The following ADGRE3 variants were observed in gnomAD, a reference collection of about 807,000 sequenced individuals.
The protein encoded by ADGRE3 is adhesion G protein-coupled receptor E3.
In ADGRE3, 88 loss-of-function variants were observed where a neutral mutation model predicts 80.1. That is an observed-to-expected ratio of 1.10 (90% CI 0.93 to 1.31). ADGRE3 has a LOEUF of 1.31. Among genes scored for constraint, ADGRE3 ranks in the 40% most tolerant of loss-of-function variants. The pLI is 0.00. For missense variants in ADGRE3, 715 were observed against 776.5 expected (o/e 0.92, Z 0.94); for synonymous variants, 281 against 294.8 (o/e 0.95, Z 0.48).
chr19:14,630,321 T>C lies in ADGRE3; in HGVS notation c.1644-114A>G, dbSNP rs1288185670. On this transcript the variant is annotated intron_variant, in intron 13 of 15. Transcript: ENST00000253673. ...TGGAGCTAGACTACCTGAGTTTAAA[T>C]GGAAGCCAGCACTGGCTACCTGTGT... 4.9e-6 allele frequency: 4 copies of C among 808,444 alleles called. No individual in the cohort carries two copies. In the Admixed American group the frequency reaches 1.0e-4, roughly 20 times the overall value. The allele number at this position is 808,444 out of a possible 1,614,324, so 50.1% of individuals were successfully genotyped here.
At chr19:14,662,329 T>G (rs1237021466) in intron 3 of ADGRE3, among the ~76,000 whole-genome samples, 43 of 132,786 alleles carry the variant, frequency 3.2e-4, no homozygotes, top group Admixed American at 3.1e-3. Flanking sequence ...ATATAAGTAC[T>G]TTATTTGGGA....
intron 7 of ADGRE3, 31 bp downstream of exon 7, chr19:14,651,054 G>C (rs763239042): frequency 6.2e-7 from 1 of 1,613,336 alleles, no homozygotes; most frequent in East Asian, 2.2e-5. Context: ...GGCTCTGTGT[G>C]AAGGATTCTG....
chr19:14,615,202 C>CTTT (rs34167082), downstream of ADGRE3, among the ~76,000 whole-genome samples: 1,383 of 65,690 alleles, frequency 0.021, 47 homozygotes, highest in East Asian at 0.027. Flanking sequence ...CAGCTGCCTT[C>CTTT]TTTTTTTTTT....
At chr19:14,608,430 T>C in the ADGRE3 span, among the ~76,000 whole-genome samples, 2 of 152,096 alleles carry the variant, frequency 1.3e-5, no homozygotes, top group South Asian at 2.1e-4. Flanking sequence ...TCCAAGCTGA[T>C]AGGGTGTCTA....
At chr19:14,610,273 C>T in the ADGRE3 span, 2 of 1,523,742 alleles carry the variant, frequency 1.3e-6, no homozygotes, top group Admixed American at 4.0e-5. Flanking sequence ...CGTGGACGGC[C>T]TTGCCTCTTC....
intron 1 of ADGRE3, among the ~76,000 whole-genome samples, chr19:14,671,914 TAAA>T (rs777653294): frequency 2.0e-5 from 3 of 152,046 alleles, no homozygotes; most frequent in African/African-American, 4.8e-5. Context: ...TGTGGCCAAT[TAAA>T]AAAAATTTTT....
At chr19:14,624,184 G>T (rs9807878) in intron 15 of ADGRE3, among the ~76,000 whole-genome samples, 15,523 of 150,656 alleles carry the variant, frequency 0.1, 871 homozygotes, top group African/African-American at 0.14. Context: ...AACCTCTGCT[G>T]CCCGGATTCA....
At chr19:14,646,545 TC>T (rs772699244) in intron 8 of ADGRE3, among the ~76,000 whole-genome samples, 5 of 150,210 alleles carry the variant, frequency 3.3e-5, no homozygotes, top group Admixed American at 2.0e-4. Context: ...TCTAGCTAAT[TC>T]TTTTTTTTTT....
At chr19:14,657,037 A>G (rs536206652) in intron 5 of ADGRE3, among the ~76,000 whole-genome samples, 1 of 152,270 alleles carries the variant, frequency 6.6e-6, no homozygotes, top group Admixed American at 6.5e-5. Context: ...CTGGGATTAC[A>G]GGCATGCGCC....
rs1486606993 is a variant in ADGRE3, at chr19:14,622,391, G to C, written c.1921-2920C>G. 3 of 400,058 alleles carry C rather than the reference G, an allele frequency of 7.5e-6. 1 individual carries two copies. Among genetic ancestry groups the C allele is most frequent in the African/African-American group, 5.3e-5 (2 of 37,480 alleles). 24.8% of individuals were successfully genotyped at this position (400,058 alleles called of 1,614,324 possible). A position where few individuals can be genotyped will look rare whatever the true frequency, so the allele number is the denominator to read the frequency against. ...TTTCTTCCTGGACTATTGAAATCAA[G>C]CTTATTGGATTAAGTGATATTTCTA... On this transcript the variant is annotated intron_variant, in intron 15 of 15. Transcript: ENST00000253673.
chr19:14,651,006 C>G lies in ADGRE3; in HGVS notation c.697+79G>C, dbSNP rs537013077. 16 of 1,506,348 alleles carry G rather than the reference C, an allele frequency of 1.1e-5. No individual in the cohort carries two copies. The African/African-American group carries it at 2.2e-4, about 21-fold the overall frequency. 93.3% of individuals were successfully genotyped at this position (1,506,348 alleles called of 1,614,324 possible). A position where few individuals can be genotyped will look rare whatever the true frequency, so the allele number is the denominator to read the frequency against. On this transcript the variant is annotated intron_variant, in intron 7 of 15. Transcript: ENST00000253673. Reference sequence around the variant, plus strand: ...GGTAAAAAGCCCATGAGGGGAGAGCCCAGTGGGCTTGTTTCCCCATGACTC... The same window carrying G: ...GGTAAAAAGCCCATGAGGGGAGAGCGCAGTGGGCTTGTTTCCCCATGACTC...
chr19:14,606,906 T>TAAATATGTAG, the ADGRE3 span: 1 of 581,872 alleles, frequency 1.7e-6, no homozygotes, highest in South Asian at 8.6e-5. Context: ...TCCCAAGCCC[T>TAAATATGTAG]AAATATGTAG....
intron 3 of ADGRE3, among the ~76,000 whole-genome samples, chr19:14,662,747 C>T (rs1187603130): frequency 6.6e-6 from 1 of 151,894 alleles, no homozygotes; most frequent in Admixed American, 6.6e-5. Flanking sequence ...TTTTGCCTCC[C>T]TTTTGCTCCT....
At chr19:14,614,060 A>T in the ADGRE3 span, among the ~76,000 whole-genome samples, 1 of 151,164 alleles carries the variant, frequency 6.6e-6, no homozygotes, top group South Asian at 2.1e-4. Context: ...CACAGGCACG[A>T]CCCCACTACT....
At chr19:14,600,134 C>G in the ADGRE3 span, 1 of 1,614,006 alleles carries the variant, frequency 6.2e-7, no homozygotes, top group Non-Finnish European at 8.5e-7. Flanking sequence ...GGATGTTCTG[C>G]CAGGAGAATT....
chr19:14,611,693 G>A, the ADGRE3 span, among the ~76,000 whole-genome samples: 1 of 152,096 alleles, frequency 6.6e-6, no homozygotes, highest in Non-Finnish European at 1.5e-5. Context: ...GGGTTGTAAC[G>A]TCTTTGATGA....
At chr19:14,642,372 G>A (rs1308247743) in intron 9 of ADGRE3, among the ~76,000 whole-genome samples, 1 of 152,158 alleles carries the variant, frequency 6.6e-6, no homozygotes, top group Non-Finnish European at 1.5e-5. Context: ...GTCTTTGTAT[G>A]CAGAGGGCTT....
At chr19:14,621,489 AG>A in intron 15 of ADGRE3, 1 of 503,110 alleles carries the variant, frequency 2.0e-6, no homozygotes, top group Admixed American at 3.2e-5. Flanking sequence ...AAGAAGAGAC[AG>A]GTTCTCACTA....
chr19:14,638,402 C>T, intron 10 of ADGRE3, 62 bp from the exon 11 acceptor site: 1 of 1,276,320 alleles, frequency 7.8e-7, no homozygotes, highest in East Asian at 2.4e-5. Context: ...CCTAGGACCT[C>T]TCCTTGACAT....
Sources: gnomAD v4.1 joint callset for allele counts (sites outside exome capture counted in the v4.1 genomes callset) on GRCh38, gnomAD v4.1.1 for gene constraint, MANE v1.5 for transcripts, NCBI Gene and HGNC (gene_info 2026-07-23, HGNC 2026-07-21) for gene names.